The following KLF15 variants were observed in gnomAD, a reference collection of about 807,000 sequenced individuals.
KLF15 encodes KLF transcription factor 15, also known as Krueppel-like factor 15.
In KLF15, 4 loss-of-function variants were observed where a neutral mutation model predicts 24.6. The observed-to-expected ratio is 0.16, with a 90% confidence interval of 0.08 to 0.37. The LOEUF (loss-of-function observed/expected upper bound fraction) is 0.37. Among genes scored for constraint, KLF15 ranks in the 10% least tolerant of loss-of-function variants. The pLI is 1.00. For missense variants in KLF15, 496 were observed against 560.6 expected (o/e 0.88, Z 1.16); for synonymous variants, 246 against 236.3 (o/e 1.04, Z -0.37).
chr3:126,311,155 C>G, the KLF15 span, among the ~76,000 whole-genome samples: 1 of 152,202 alleles, frequency 6.6e-6, no homozygotes, highest in South Asian at 2.1e-4. Context: ...AAGGTCCCTT[C>G]AAGGCACGTT....
chr3:126,336,172 C>T, the KLF15 span, among the ~76,000 whole-genome samples: 4 of 109,752 alleles, frequency 3.6e-5, no homozygotes, highest in East Asian at 2.7e-4. Context: ...TGACTTCAAA[C>T]TATACTACAA....
chr3:126,305,473 G>A, the KLF15 span, among the ~76,000 whole-genome samples: 1 of 152,286 alleles, frequency 6.6e-6, no homozygotes, highest in Admixed American at 6.5e-5. Flanking sequence ...TCACATCCAT[G>A]TTCAAAGGAA....
the KLF15 span, chr3:126,294,045 A>G: frequency 1.3e-5 from 2 of 152,214 alleles, no homozygotes; most frequent in Admixed American, 1.3e-4. Flanking sequence ...CCGGCTTTTT[A>G]AGAGGATGGG....
At chr3:126,307,068 G>A in the KLF15 span, among the ~76,000 whole-genome samples, 3 of 152,162 alleles carry the variant, frequency 2.0e-5, no homozygotes, top group Admixed American at 1.3e-4. Context: ...CTCTCACAGA[G>A]CACTTCTGGT....
the KLF15 span, among the ~76,000 whole-genome samples, chr3:126,294,590 T>C: frequency 5.9e-5 from 9 of 152,106 alleles, no homozygotes; most frequent in Non-Finnish European, 1.2e-4. Context: ...AAAGGGTGGC[T>C]CGAGTAATTT....
At chr3:126,353,428 G>T (rs1160008963) in intron 1 of KLF15, among the ~76,000 whole-genome samples, 1 of 152,184 alleles carries the variant, frequency 6.6e-6, no homozygotes, top group Non-Finnish European at 1.5e-5. Context: ...TGACCCTCAT[G>T]TTGCTGAGGC....
the KLF15 span, among the ~76,000 whole-genome samples, chr3:126,293,518 C>A: frequency 1.3e-5 from 2 of 152,260 alleles, no homozygotes; most frequent in African/African-American, 2.4e-5. Flanking sequence ...TGTGTAAGCA[C>A]ACACCTGGTG....
At chr3:126,341,405 C>T (rs927292176), downstream of KLF15, among the ~76,000 whole-genome samples, 3 of 152,204 alleles carry the variant, frequency 2.0e-5, no homozygotes, top group African/African-American at 7.2e-5. Context: ...GACAACAATC[C>T]TCCCTGTCCC....
At chr3:126,301,270 C>A in the KLF15 span, among the ~76,000 whole-genome samples, 1 of 152,182 alleles carries the variant, frequency 6.6e-6, no homozygotes, top group African/African-American at 2.4e-5. Context: ...CAGAACATCA[C>A]GTGTTTCGCT....
rs112720105 is a variant in KLF15 at position 126,346,029 on chromosome 3, A to G, written c.1083-2134T>C. On this transcript the variant is annotated intron_variant, in intron 2 of 2. Coordinates refer to ENST00000296233, the MANE Select transcript of KLF15 (RefSeq NM_014079.4). ...CTTGACACAGCCCCCTGCCCTGGCA[A>G]TGGCAGATGACCTGGACTCCCAGTC... 5.8e-3 allele frequency among the ~76,000 whole-genome samples: 890 copies of G among 152,290 alleles called. 14 individuals are homozygous for G. The highest frequency in any genetic ancestry group is 0.02 in the African/African-American group (820 of 41,568).
chr3:126,333,978 C>G, the KLF15 span, among the ~76,000 whole-genome samples: 1 of 151,786 alleles, frequency 6.6e-6, no homozygotes, highest in Non-Finnish European at 1.5e-5. Context: ...TAATGGGAGA[C>G]TTTAACACCC....
chr3:126,343,412 C>A lies in KLF15; in HGVS notation c.*315G>T. On this transcript the variant is annotated 3_prime_UTR_variant, in exon 3 of 3. Transcript: ENST00000296233. ...CCCAGTGGGAGAAGGGCCAGGTCCCCAAAACTCTGCCTGCAACCAGCGGCT... is the reference window on the plus strand; with the variant it reads ...CCCAGTGGGAGAAGGGCCAGGTCCCAAAAACTCTGCCTGCAACCAGCGGCT... 1 of 334,988 alleles carries A rather than the reference C, an allele frequency of 3.0e-6. No homozygotes were observed. Among genetic ancestry groups the A allele is most frequent in the South Asian group, 4.3e-5 (1 of 23,412 alleles). 20.8% of individuals were successfully genotyped at this position (334,988 alleles called of 1,614,324 possible).
the KLF15 span, among the ~76,000 whole-genome samples, chr3:126,288,625 C>T: frequency 6.6e-6 from 1 of 152,230 alleles, no homozygotes; most frequent in Non-Finnish European, 1.5e-5. Context: ...GTCCCTTAGT[C>T]CTCCCTGGAC....
the KLF15 span, among the ~76,000 whole-genome samples, chr3:126,302,758 C>T: frequency 1.3e-5 from 2 of 152,170 alleles, no homozygotes; most frequent in East Asian, 1.9e-4. Context: ...TATCTTTTCC[C>T]ATCCTCCTAC....
At chr3:126,346,720 C>A (rs2082538312) in intron 2 of KLF15, among the ~76,000 whole-genome samples, 1 of 152,174 alleles carries the variant, frequency 6.6e-6, no homozygotes, top group South Asian at 2.1e-4. Flanking sequence ...TCAGAAGACC[C>A]CCTGCCTCAC....
At chr3:126,329,421 G>A in the KLF15 span, among the ~76,000 whole-genome samples, 1,118 of 152,270 alleles carry the variant, frequency 7.3e-3, 36 homozygotes, top group East Asian at 0.093. Flanking sequence ...GGAGTTTGAA[G>A]CTGCAGTGAG....
Position 126,343,796 on chromosome 3 carries a change from G to A in KLF15, c.1182C>T (p.Asp394=), listed in dbSNP as rs1462473002. The part of the protein sequence containing the change: ...PVCEKKFARS[D]HLSKHIKVHR... Reference sequence around the variant, plus strand: ...GCACCTTGATGTGCTTGGAGAGGTGGTCGCTCCGCGCGAACTTCTTCTCGC... The same window carrying A: ...GCACCTTGATGTGCTTGGAGAGGTGATCGCTCCGCGCGAACTTCTTCTCGC... The change falls in exon 3 of 3, where the codon GAC becomes GAT. Residue 394 remains aspartate (D), a synonymous_variant. Coordinates refer to ENST00000296233, the MANE Select transcript of KLF15 (RefSeq NM_014079.4). 1 of 1,611,980 alleles carries A rather than the reference G, an allele frequency of 6.2e-7. No homozygotes were observed. Among genetic ancestry groups the A allele is most frequent in the Admixed American group, 1.7e-5 (1 of 59,954 alleles).
At chr3:126,341,919 C>G (rs2082482225), downstream of KLF15, among the ~76,000 whole-genome samples, 1 of 152,212 alleles carries the variant, frequency 6.6e-6, no homozygotes, top group Non-Finnish European at 1.5e-5. Flanking sequence ...GCCACTGAAG[C>G]AGGCCCTGGT....
At chr3:126,324,010 A>G in the KLF15 span, among the ~76,000 whole-genome samples, 1 of 142,254 alleles carries the variant, frequency 7.0e-6, no homozygotes, top group Admixed American at 7.2e-5. Context: ...TGCTATTGTA[A>G]ATAGTCCTGC....
Sources: allele counts gnomAD v4.1 joint callset (sites outside exome capture counted in the v4.1 genomes callset), GRCh38; gene constraint gnomAD v4.1.1; transcripts MANE v1.5; gene names NCBI Gene and HGNC (gene_info 2026-07-23, HGNC 2026-07-21).